Variants in GSDMC observed in about 807,000 individuals in gnomAD.
The protein encoded by GSDMC is gasdermin C.
Under a neutral mutation model 58.0 loss-of-function variants are expected in GSDMC, and 59 were observed. The ratio of observed to expected loss-of-function variants is 1.02; its 90% CI spans 0.82 to 1.26. The LOEUF is 1.26. GSDMC is among the 50% of genes most tolerant of loss of function. The pLI, the probability that GSDMC is intolerant of heterozygous loss-of-function variation, is 0.00. For missense variants in GSDMC, 659 were observed against 598.5 expected (o/e 1.10, Z -1.06); for synonymous variants, 241 against 220.2 (o/e 1.09, Z -0.83).
chr8:129,731,331 G>T, the GSDMC span, among the ~76,000 whole-genome samples: 2 of 152,196 alleles, frequency 1.3e-5, no homozygotes, highest in African/African-American at 2.4e-5. Flanking sequence ...GGCCAGAGCT[G>T]CTGTGCAGCT....
intron 6 of GSDMC, among the ~76,000 whole-genome samples, chr8:129,759,310 T>G (rs2033567688): frequency 6.6e-6 from 1 of 152,170 alleles, no homozygotes; most frequent in African/African-American, 2.4e-5. Context: ...GGGCAAAGAT[T>G]TCTTCAGTAA....
chr8:129,774,140 G>T (rs1413190225), intron 3 of GSDMC, among the ~76,000 whole-genome samples: 1 of 152,142 alleles, frequency 6.6e-6, no homozygotes, highest in Non-Finnish European at 1.5e-5. Flanking sequence ...TATACTTCCT[G>T]ATTTCAAAGT....
At chr8:129,722,928 T>C in the GSDMC span, 1 of 152,206 alleles carries the variant, frequency 6.6e-6, no homozygotes, top group Non-Finnish European at 1.5e-5. Flanking sequence ...ATTGATAGAT[T>C]CTAATCATAA....
chr8:129,711,887 G>T, the GSDMC span, among the ~76,000 whole-genome samples: 1 of 152,128 alleles, frequency 6.6e-6, no homozygotes, highest in Non-Finnish European at 1.5e-5. Context: ...CTAAAACGAG[G>T]CACAATTGGG....
In GSDMC at chr8:129,752,744, A is replaced by T. The variant is rs1005840775; in HGVS notation, c.798T>A (p.Ser266=). ...TGGATGAGGCATTGAAGAGGGTTGG[A>T]GAGATGGTATGAAATGATGGTAGCA... ...EGLLPSFHTI[S]PTLFNASSND... is the part of the protein sequence containing the mutation. Residue 266 remains serine (S), a synonymous_variant, in exon 7 of 14, where the codon TCT becomes TCA. Transcript: ENST00000276708. 13 of 1,614,112 alleles carry T rather than the reference A, an allele frequency of 8.1e-6. No homozygotes were observed. The highest frequency in any genetic ancestry group is 1.3e-5 in the African/African-American group (1 of 74,942).
the GSDMC span, among the ~76,000 whole-genome samples, chr8:129,731,850 G>A: frequency 6.6e-6 from 1 of 152,102 alleles, no homozygotes; most frequent in Non-Finnish European, 1.5e-5. Context: ...AAATAGTTGG[G>A]CACCCTGTGG....
At chr8:129,709,132 C>A in the GSDMC span, among the ~76,000 whole-genome samples, 1 of 151,878 alleles carries the variant, frequency 6.6e-6, no homozygotes, top group Non-Finnish European at 1.5e-5. Flanking sequence ...ATTACCCCAT[C>A]CATGGCACTT....
chr8:129,767,193 C>T (rs1339331598), intron 3 of GSDMC, among the ~76,000 whole-genome samples: 1 of 152,158 alleles, frequency 6.6e-6, no homozygotes, highest in Non-Finnish European at 1.5e-5. Flanking sequence ...CAGCCAGCAA[C>T]CCTGCCTAAC....
the GSDMC span, among the ~76,000 whole-genome samples, chr8:129,734,535 G>GAA: frequency 6.6e-6 from 1 of 152,154 alleles, no homozygotes; most frequent in East Asian, 1.9e-4. Context: ...CATTCCTAAA[G>GAA]AAAAGAATTT....
intron 8 of GSDMC, 51 bp from the exon 9 acceptor site, chr8:129,751,942 C>A (rs148722186): frequency 6.4e-7 from 1 of 1,558,854 alleles, no homozygotes. Flanking sequence ...GACTAGATTT[C>A]TCCAACCTTC....
chr8:129,753,202 T>C (rs2033287016), intron 6 of GSDMC, among the ~76,000 whole-genome samples: 1 of 152,170 alleles, frequency 6.6e-6, no homozygotes, highest in South Asian at 2.1e-4. Flanking sequence ...CCACCCCCAA[T>C]CTCAGGCAGT....
the GSDMC span, among the ~76,000 whole-genome samples, chr8:129,717,357 G>A: frequency 1.3e-5 from 2 of 150,280 alleles, no homozygotes; most frequent in African/African-American, 4.9e-5. Context: ...GTTTAGTCTT[G>A]GGAGGGTGTA....
At chr8:129,783,273 C>T (rs911191282) in intron 1 of GSDMC, among the ~76,000 whole-genome samples, 1 of 151,518 alleles carries the variant, frequency 6.6e-6, no homozygotes, top group Admixed American at 6.6e-5. Context: ...ACATAAAGGG[C>T]ATCCAAATTG....
downstream of GSDMC, among the ~76,000 whole-genome samples, chr8:129,745,213 A>G (rs193254544): frequency 2.0e-5 from 3 of 152,334 alleles, no homozygotes; most frequent in Non-Finnish European, 4.4e-5. Flanking sequence ...ATCTATTAGC[A>G]CTGTTTATAT....
chr8:129,775,277 C>T (rs191817322), intron 3 of GSDMC, among the ~76,000 whole-genome samples: 1 of 152,206 alleles, frequency 6.6e-6, no homozygotes, highest in African/African-American at 2.4e-5. Context: ...ATGGATAAAC[C>T]TTGATGGCAT....
the GSDMC span, among the ~76,000 whole-genome samples, chr8:129,735,688 C>G: frequency 1.3e-5 from 2 of 152,086 alleles, no homozygotes; most frequent in African/African-American, 4.8e-5. Flanking sequence ...GCACTAAATG[C>G]CCACAAGAGA....
intron 5 of GSDMC, among the ~76,000 whole-genome samples, chr8:129,762,130 T>C (rs2033685535): frequency 6.6e-6 from 1 of 152,144 alleles, no homozygotes; most frequent in Non-Finnish European, 1.5e-5. Context: ...GAACTGTGCA[T>C]TTTGAGGCTG....
intron 3 of GSDMC, among the ~76,000 whole-genome samples, chr8:129,774,869 C>T (rs2034173753): frequency 6.6e-6 from 1 of 152,112 alleles, no homozygotes; most frequent in African/African-American, 2.4e-5. Context: ...ATCAAAACCA[C>T]AATGAGACAT....
rs776743103 is a variant in GSDMC at position 129,752,793 on chromosome 8, T to A, written c.749A>T (p.Tyr250Phe). ...DEYEISEMVG[Y>F]CAARSEGLLP... ...CAACCCCTCACTCCTCGCAGCACAG[T>A]AGCCTACCATTTCGGAAATTTCGTA... Residue 250 changes from tyrosine (Y) to phenylalanine (F), a missense_variant, in exon 7 of 14, where the codon TAC becomes TTC. Coordinates refer to ENST00000276708, the MANE Select transcript of GSDMC (RefSeq NM_031415.3). 1.2e-6 allele frequency: 2 copies of A among 1,614,160 alleles called. No individual in the cohort carries two copies. Among genetic ancestry groups the A allele is most frequent in the Admixed American group, 1.7e-5 (1 of 60,012 alleles).
Sources: gnomAD v4.1 joint callset for allele counts (sites outside exome capture counted in the v4.1 genomes callset) on GRCh38, gnomAD v4.1.1 for gene constraint, MANE v1.5 for transcripts, NCBI Gene and HGNC (gene_info 2026-07-23, HGNC 2026-07-21) for gene names.